RBFOX1: variants seen among roughly 807,000 people sequenced by gnomAD.
The protein encoded by RBFOX1 is RNA binding fox-1 homolog 1, also known as RNA binding protein fox-1 homolog 1.
RBFOX1 carries 8 observed loss-of-function variants against 57.7 expected under a neutral mutation model. That is an observed-to-expected ratio of 0.14 (90% CI 0.08 to 0.25). RBFOX1 has a LOEUF of 0.25. RBFOX1 is among the 10% of genes least tolerant of loss of function. RBFOX1 has a pLI of 1.00. For synonymous variants in RBFOX1, 326 were observed against 222.4 expected (o/e 1.47, Z -4.15); for missense variants, 611 against 548.5 (o/e 1.11, Z -1.14).
At position 5,947,949 on chromosome 16, in the gene RBFOX1, A is replaced by G. The variant is rs1409077128; in HGVS notation, c.351+80614A>G. The stretch of plus-strand genomic sequence containing the variant: ...CAGAATTTTAATTTGCAAATGCATC[A>G]CCAGATTCTTGATTGAATTCCCTTT... On this transcript the variant is annotated intron_variant, in intron 4 of 19. Transcript: ENST00000641259. The surrounding 1 kb of genome is among the most constrained non-coding windows in gnomAD (Gnocchi z 7.2). Among the ~76,000 whole-genome samples, 1 of 152,212 alleles carries G rather than the reference A, an allele frequency of 6.6e-6. No individual in the cohort carries two copies. Among genetic ancestry groups the G allele is most frequent in the African/African-American group, 2.4e-5 (1 of 41,448 alleles).
intron 14 of RBFOX1, among the ~76,000 whole-genome samples, chr16:7,690,624 T>G (rs527658332): frequency 1.8e-4 from 27 of 152,126 alleles, no homozygotes; most frequent in African/African-American, 6.5e-4. Context: ...TTTCTTCTCC[T>G]GAGAGGCAGC....
intron 3 of RBFOX1, among the ~76,000 whole-genome samples, chr16:7,031,022 T>C (rs1430945208): frequency 1.3e-5 from 2 of 152,104 alleles, no homozygotes; most frequent in East Asian, 3.9e-4. Context: ...TATGACCTAG[T>C]TGGTTTGGGA....
chr16:5,333,134 G>C (rs1278336953), intron 1 of RBFOX1, among the ~76,000 whole-genome samples: 1 of 152,066 alleles, frequency 6.6e-6, no homozygotes, highest in Non-Finnish European at 1.5e-5. Flanking sequence ...GTTGCAGTGA[G>C]CCGAGATCAT....
chr16:7,274,503 G>A (rs1222028367), intron 4 of RBFOX1, among the ~76,000 whole-genome samples: 2 of 152,046 alleles, frequency 1.3e-5, no homozygotes, highest in Admixed American at 1.3e-4. Context: ...TACATATGTT[G>A]AATGCCTGAG....
intron 3 of RBFOX1, among the ~76,000 whole-genome samples, chr16:7,021,883 CTTTCTTTCTTTCTTTT>C (rs2039247196): frequency 3.2e-5 from 4 of 123,914 alleles, no homozygotes; most frequent in African/African-American, 1.4e-4. Context: ...CTTTCTCTCT[CTTTCTTTCTTTCTTTT>C]CTTTCTTTCT....
At chr16:6,809,944 G>A (rs1030176137) in intron 3 of RBFOX1, among the ~76,000 whole-genome samples, 4 of 151,790 alleles carry the variant, frequency 2.6e-5, no homozygotes, top group Non-Finnish European at 4.4e-5. Context: ...CTACCCGCTT[G>A]TCCTGAGTTG....
intron 3 of RBFOX1, among the ~76,000 whole-genome samples, chr16:5,738,087 A>G (rs2052644368): frequency 7.0e-6 from 1 of 142,742 alleles, no homozygotes; most frequent in East Asian, 2.1e-4. Flanking sequence ...ACTCTCACTT[A>G]TGAGTGAGAA....
intron 3 of RBFOX1, among the ~76,000 whole-genome samples, chr16:6,884,231 C>G (rs535923786): frequency 6.6e-6 from 1 of 152,270 alleles, no homozygotes; most frequent in South Asian, 2.1e-4. Flanking sequence ...CTGCAGAGGC[C>G]AGGGACCCAG....
At chr16:5,937,265 A>T (rs1465631384) in intron 4 of RBFOX1, among the ~76,000 whole-genome samples, 1 of 152,172 alleles carries the variant, frequency 6.6e-6, no homozygotes, top group African/African-American at 2.4e-5. Context: ...TACAGGAGCA[A>T]AGGCATCACT....
At chr16:6,983,346 C>G (rs571214330) in intron 3 of RBFOX1, among the ~76,000 whole-genome samples, 4 of 151,830 alleles carry the variant, frequency 2.6e-5, no homozygotes, top group Non-Finnish European at 5.9e-5. Context: ...GAGGAAAGTA[C>G]AGAATTATTG....
intron 4 of RBFOX1, among the ~76,000 whole-genome samples, chr16:5,934,037 G>C (rs1488722300): frequency 6.6e-6 from 1 of 152,158 alleles, no homozygotes; most frequent in Non-Finnish European, 1.5e-5. Flanking sequence ...GAGAACATGT[G>C]ACATTTGGGG....
chr16:6,124,817 C>T (rs371674405), intron 1 of RBFOX1, among the ~76,000 whole-genome samples: 16 of 152,214 alleles, frequency 1.1e-4, no homozygotes, highest in African/African-American at 2.6e-4. Flanking sequence ...CATGAGTCAC[C>T]GTGCCTGGCG....
chr16:6,966,769 A>ATCTG (rs1442060716), intron 3 of RBFOX1, among the ~76,000 whole-genome samples: 7 of 25,064 alleles, frequency 2.8e-4, no homozygotes, highest in Non-Finnish European at 6.6e-4. Flanking sequence ...CTGTCTATCT[A>ATCTG]TCTATCTATC....
Position 6,495,519 on chromosome 16 carries a change from G to A in RBFOX1, c.-63-159084G>A, listed in dbSNP as rs78561627. ...GCTGAGACAGTAATATTCATTTAGAGTAAACATCTATTGATATCACCCTGA... is the reference window on the plus strand; with the variant it reads ...GCTGAGACAGTAATATTCATTTAGAATAAACATCTATTGATATCACCCTGA... On this transcript the variant is annotated intron_variant, in intron 2 of 15. Transcript: ENST00000550418. Among the ~76,000 whole-genome samples the A allele has an allele frequency of 5.1e-3, 773 of 152,332 alleles. 5 individuals carry two copies. The highest frequency in any genetic ancestry group is 0.026 in the East Asian group (137 of 5,184).
At chr16:6,787,722 C>T (rs1279807738) in intron 3 of RBFOX1, among the ~76,000 whole-genome samples, 1 of 152,136 alleles carries the variant, frequency 6.6e-6, no homozygotes, top group African/African-American at 2.4e-5. Flanking sequence ...CTAAACCAAG[C>T]TGCAAATGAG....
chr16:7,153,903 T>G (rs2076582339), intron 4 of RBFOX1, among the ~76,000 whole-genome samples: 1 of 151,916 alleles, frequency 6.6e-6, no homozygotes, highest in African/African-American at 2.4e-5. Flanking sequence ...ATTGTTCTAG[T>G]TAGGCATTAA....
intron 3 of RBFOX1, among the ~76,000 whole-genome samples, chr16:6,960,275 G>C (rs531308798): frequency 7.2e-5 from 11 of 152,104 alleles, no homozygotes; most frequent in African/African-American, 2.7e-4. Context: ...AGGTCTTCAG[G>C]CCTCAGATCT....
chr16:7,692,826 A>C (rs1328041766), intron 14 of RBFOX1, among the ~76,000 whole-genome samples: 5 of 152,166 alleles, frequency 3.3e-5, no homozygotes, highest in Non-Finnish European at 5.9e-5. Flanking sequence ...TTTGATGAGG[A>C]AATTATTATC....
chr16:7,402,683 A>C (rs1267617213), intron 4 of RBFOX1, among the ~76,000 whole-genome samples: 2 of 152,168 alleles, frequency 1.3e-5, no homozygotes, highest in Non-Finnish European at 2.9e-5. Flanking sequence ...AGATGAGCCT[A>C]ATTGGACAGC....
Sources: gnomAD v4.1 joint callset for allele counts (sites outside exome capture counted in the v4.1 genomes callset) on GRCh38, gnomAD v4.1.1 for gene constraint, Gnocchi (gnomAD v3.1) non-coding constraint, MANE v1.5 for transcripts, NCBI Gene and HGNC (gene_info 2026-07-23, HGNC 2026-07-21) for gene names.